The following CSMD1 variants were observed in gnomAD, a reference collection of about 807,000 sequenced individuals.
CSMD1 encodes CUB and Sushi multiple domains 1, also known as CUB and sushi domain-containing protein 1.
A neutral mutation model predicts 417.5 loss-of-function variants in CSMD1; 213 were observed. That is an observed-to-expected ratio of 0.51 (90% confidence interval 0.46 to 0.57). The LOEUF (loss-of-function observed/expected upper bound fraction) is 0.57. Among genes scored for constraint, CSMD1 ranks in the 20% least tolerant of loss-of-function variants. CSMD1 has a pLI of 0.00. For missense variants in CSMD1, 6,923 were observed against 4,529.7 expected, an observed-to-expected ratio of 1.53 and a Z score of -15.17; for synonymous variants, 2,862 against 1,736.8, an observed-to-expected ratio of 1.65 and a Z score of -16.11.
In CSMD1 at chr8:4,850,906, G is replaced by GC. The variant is rs537324171; in HGVS notation, c.85+143425dup. 9.9e-3 allele frequency among the ~76,000 whole-genome samples: 1,469 copies of GC among 147,966 alleles called. 8 individuals carry two copies. Among genetic ancestry groups the GC allele is most frequent in the Middle Eastern group, 0.021 (6 of 286 alleles). ...TTATGCATTGAAGATTGTTTCCCTT[G>GC]CCCCCCCACTTTTTGTGGTTATTTT... On this transcript the variant is annotated intron_variant, in intron 1 of 69. Coordinates refer to ENST00000635120, the MANE Select transcript of CSMD1 (RefSeq NM_033225.6).
rs183678493 is a variant in CSMD1 at position 3,172,822 on chromosome 8, T to A, written c.5725+8288A>T. On this transcript the variant is annotated intron_variant, in intron 37 of 69. Transcript: ENST00000635120. ...CAATTGTCAGTTTCCATTGAAACCC[T>A]TTCCCACATGGGCAACATTCTAAAA... is the stretch of plus-strand genomic sequence containing the variant. Among the ~76,000 whole-genome samples, 4 of 152,326 alleles carry A rather than the reference T, an allele frequency of 2.6e-5. No homozygotes were observed. In the East Asian group the frequency reaches 7.7e-4, roughly 29 times the overall value.
chr8:3,271,583 A>C (rs1801858309), intron 26 of CSMD1, among the ~76,000 whole-genome samples: 2 of 151,926 alleles, frequency 1.3e-5, no homozygotes, highest in Non-Finnish European at 2.9e-5. Flanking sequence ...CATCCTCTCC[A>C]GCACCTGTTG....
chr8:3,547,671 C>T lies in CSMD1; in HGVS notation c.1344+27274G>A, dbSNP rs140925751. Among the ~76,000 whole-genome samples the T allele has an allele frequency of 3.3e-3, 498 of 152,196 alleles. 2 individuals are homozygous for T. Among genetic ancestry groups the T allele is most frequent in the African/African-American group, 0.011 (465 of 41,534 alleles). On this transcript the variant is annotated intron_variant, in intron 10 of 69. Coordinates refer to ENST00000635120, the MANE Select transcript of CSMD1 (RefSeq NM_033225.6). ...AAGTAATATTAATTTAAATATACTA[C>T]AACCTTTCTTTGGAGTTAAATCTAC...
At chr8:4,029,582 G>T (rs1797235927) in intron 4 of CSMD1, among the ~76,000 whole-genome samples, 1 of 152,116 alleles carries the variant, frequency 6.6e-6, no homozygotes, top group South Asian at 2.1e-4. Context: ...CCTCCCACAT[G>T]TGAGAATTGT....
chr8:4,052,699 G>C (rs369403046), intron 3 of CSMD1, among the ~76,000 whole-genome samples: 9 of 152,084 alleles, frequency 5.9e-5, no homozygotes, highest in Admixed American at 1.3e-4. Context: ...GTATATATTT[G>C]CTATTAATGT....
At chr8:3,184,287 A>G (rs1055267744) in intron 36 of CSMD1, among the ~76,000 whole-genome samples, 1 of 152,226 alleles carries the variant, frequency 6.6e-6, no homozygotes, top group African/African-American at 2.4e-5. Flanking sequence ...TTCAATAAAC[A>G]TGAGTTTATC....
At position 3,190,031 on chromosome 8, in the gene CSMD1, C is replaced by A; in HGVS notation, c.5279G>T (p.Gly1760Val). 6.3e-7 allele frequency: 1 copy of A among 1,594,736 alleles called. No individual in the cohort carries two copies. The highest frequency in any genetic ancestry group is 8.5e-7 in the Non-Finnish European group (1 of 1,170,832). Residue 1760 changes from glycine (G) to valine (V), a missense_variant, in exon 34 of 70, where the codon GGC becomes GTC. Coordinates refer to ENST00000635120, the MANE Select transcript of CSMD1 (RefSeq NM_033225.6). ...GRRIGSEFSAGSIVRFECNPG... is the reference protein window; with the variant it reads ...GRRIGSEFSAVSIVRFECNPG... ...GTTGCACTCGAATCGGACGATGGAG[C>A]CGGCAGAAAACTCAGAACCAATTCT... is the stretch of plus-strand genomic sequence containing the variant.
At chr8:4,916,610 C>T (rs1806082219) in intron 1 of CSMD1, among the ~76,000 whole-genome samples, 1 of 152,196 alleles carries the variant, frequency 6.6e-6, no homozygotes, top group South Asian at 2.1e-4. Flanking sequence ...GATCATCCTA[C>T]TTGGGGAAAC....
At chr8:4,725,889 G>T (rs1360158921) in intron 1 of CSMD1, among the ~76,000 whole-genome samples, 1 of 152,098 alleles carries the variant, frequency 6.6e-6, no homozygotes, top group African/African-American at 2.4e-5. Flanking sequence ...CCTGGTTGTG[G>T]GACTGGGTTC....
At position 3,519,265 on chromosome 8, in the gene CSMD1, T is replaced by C. The variant is rs1797404446; in HGVS notation, c.1345-25539A>G. ...TAAACATTTTGTCCTGTTCATATTTTTCTTTCTGAAAATACCTGAGTCTTC... is the reference window on the plus strand; with the variant it reads ...TAAACATTTTGTCCTGTTCATATTTCTCTTTCTGAAAATACCTGAGTCTTC... On this transcript the variant is annotated intron_variant, in intron 10 of 69. Coordinates refer to ENST00000635120, the MANE Select transcript of CSMD1 (RefSeq NM_033225.6). 2.0e-5 allele frequency among the ~76,000 whole-genome samples: 3 copies of C among 152,350 alleles called. No homozygotes were observed. The South Asian group carries it at 6.2e-4, about 32-fold the overall frequency.
At chr8:4,483,627 A>G (rs182987291) in intron 2 of CSMD1, among the ~76,000 whole-genome samples, 1 of 152,336 alleles carries the variant, frequency 6.6e-6, no homozygotes, top group East Asian at 1.9e-4. Flanking sequence ...AGACTAATTT[A>G]AAACAGCAAA....
At chr8:4,122,174 G>C (rs1177156432) in intron 3 of CSMD1, among the ~76,000 whole-genome samples, 1 of 152,238 alleles carries the variant, frequency 6.6e-6, no homozygotes, top group East Asian at 1.9e-4. Context: ...GACTTGATAA[G>C]AATGACAGTG....
At chr8:3,105,390 T>C (rs1464663002) in intron 46 of CSMD1, among the ~76,000 whole-genome samples, 1 of 152,226 alleles carries the variant, frequency 6.6e-6, no homozygotes, top group East Asian at 1.9e-4. Flanking sequence ...TTCACTATGA[T>C]TTTGAAGTCA....
intron 5 of CSMD1, among the ~76,000 whole-genome samples, chr8:3,864,927 G>A (rs1053587477): frequency 6.6e-6 from 1 of 152,076 alleles, no homozygotes; most frequent in African/African-American, 2.4e-5. Context: ...ACGTGGTCTC[G>A]GACTTCTGTT....
chr8:4,394,449 G>C (rs1008239060), intron 3 of CSMD1, among the ~76,000 whole-genome samples: 3 of 152,184 alleles, frequency 2.0e-5, no homozygotes, highest in East Asian at 1.9e-4. Context: ...TTAGTACTGA[G>C]TCTTTGAAGA....
intron 3 of CSMD1, among the ~76,000 whole-genome samples, chr8:4,087,869 T>A (rs1800502371): frequency 6.6e-6 from 1 of 152,144 alleles, no homozygotes. Flanking sequence ...CTAGGTGAAT[T>A]TCTACCCTGC....
intron 3 of CSMD1, among the ~76,000 whole-genome samples, chr8:4,276,977 A>G (rs1796521697): frequency 2.0e-5 from 3 of 152,176 alleles, no homozygotes; most frequent in Admixed American, 2.0e-4. Flanking sequence ...CAAACTACAT[A>G]TTTTAAAAAG....
chr8:3,831,927 A>AG lies in CSMD1; in HGVS notation c.819-77886dup, dbSNP rs1802401358. ...TATCAAGACTTTTAAAATACCCCCC[A>AG]GAGATTAGTCCTGGAAAGTTTGCAG... On this transcript the variant is annotated intron_variant, in intron 5 of 69. Coordinates refer to ENST00000635120, the MANE Select transcript of CSMD1 (RefSeq NM_033225.6). Among the ~76,000 whole-genome samples, 10 of 152,282 alleles carry AG rather than the reference A, an allele frequency of 6.6e-5. No homozygotes were observed. The South Asian group carries it at 1.7e-3, about 25-fold the overall frequency.
chr8:3,730,963 G>A (rs904068998), intron 6 of CSMD1, among the ~76,000 whole-genome samples: 2 of 152,028 alleles, frequency 1.3e-5, no homozygotes, highest in African/African-American at 2.4e-5. Context: ...TATTTTAGTG[G>A]GGAAAATTTA....
Sources: gnomAD v4.1 joint callset for allele counts (sites outside exome capture counted in the v4.1 genomes callset) on GRCh38, gnomAD v4.1.1 for gene constraint, MANE v1.5 for transcripts, NCBI Gene and HGNC (gene_info 2026-07-23, HGNC 2026-07-21) for gene names.